Variants in DAB1 observed in about 807,000 individuals in gnomAD.
DAB1 encodes the protein disabled homolog 1.
Under a neutral mutation model 64.6 loss-of-function variants are expected in DAB1, and 15 were observed. The observed-to-expected ratio is 0.23, with a 90% CI of 0.16 to 0.36. The LOEUF (loss-of-function observed/expected upper bound fraction) is 0.36, where lower values mean the gene tolerates loss of function less well. DAB1 is among the 10% of genes least tolerant of loss of function. The pLI is 1.00. For missense variants in DAB1, 596 were observed against 706.7 expected (o/e 0.84, Z 1.78); for synonymous variants, 235 against 251.9 (o/e 0.93, Z 0.64).
At chr1:57,620,278 T>G (rs1196335073) in intron 7 of DAB1, among the ~76,000 whole-genome samples, 1 of 152,124 alleles carries the variant, frequency 6.6e-6, no homozygotes, top group East Asian at 1.9e-4. Flanking sequence ...ATGATGAGTT[T>G]GGATGTCCTA....
At chr1:58,466,267 T>C (rs1331656279) in intron 3 of DAB1, among the ~76,000 whole-genome samples, 3 of 152,084 alleles carry the variant, frequency 2.0e-5, no homozygotes, top group Non-Finnish European at 2.9e-5. Context: ...TCTAAAACAC[T>C]TCCCCCATCC....
At chr1:58,448,150 A>G (rs1253790946) in intron 3 of DAB1, among the ~76,000 whole-genome samples, 1 of 152,108 alleles carries the variant, frequency 6.6e-6, no homozygotes, top group African/African-American at 2.4e-5. Flanking sequence ...CTCCCAGCAA[A>G]CATACCCCTC....
chr1:57,484,398 G>C (rs1644064047), intron 7 of DAB1, among the ~76,000 whole-genome samples: 1 of 152,206 alleles, frequency 6.6e-6, no homozygotes, highest in Non-Finnish European at 1.5e-5. Flanking sequence ...GGGAGTGGGA[G>C]AGGAATCAAG....
At chr1:57,919,934 C>T (rs1182593596) in intron 5 of DAB1, among the ~76,000 whole-genome samples, 5 of 152,138 alleles carry the variant, frequency 3.3e-5, no homozygotes, top group African/African-American at 9.7e-5. Context: ...AAATAAAGGC[C>T]TAGGGGAGGT....
intron 6 of DAB1, among the ~76,000 whole-genome samples, chr1:57,715,519 T>C (rs1647073761): frequency 1.3e-5 from 2 of 152,188 alleles, no homozygotes; most frequent in Non-Finnish European, 2.9e-5. Context: ...GCAGATAACA[T>C]CATGATATAT....
At chr1:57,678,368 T>C (rs1646593263) in intron 6 of DAB1, among the ~76,000 whole-genome samples, 1 of 152,240 alleles carries the variant, frequency 6.6e-6, no homozygotes, top group African/African-American at 2.4e-5. Flanking sequence ...CAAGGGGCTG[T>C]AAGTACTAGA....
At chr1:57,270,350 G>A (rs529794337) in intron 2 of DAB1, among the ~76,000 whole-genome samples, 17 of 152,202 alleles carry the variant, frequency 1.1e-4, no homozygotes, top group Non-Finnish European at 1.9e-4. Flanking sequence ...CTGAGATGTG[G>A]GTATCAAACA....
intron 6 of DAB1, among the ~76,000 whole-genome samples, chr1:57,693,619 C>T (rs1006126170): frequency 4.6e-5 from 7 of 152,182 alleles, no homozygotes; most frequent in Non-Finnish European, 1.0e-4. Flanking sequence ...GCTGTGAAAG[C>T]TTTGCTCTTT....
At chr1:58,028,066 T>G (rs1171539042) in intron 5 of DAB1, among the ~76,000 whole-genome samples, 3 of 152,212 alleles carry the variant, frequency 2.0e-5, no homozygotes, top group African/African-American at 4.8e-5. Context: ...CTGTAGAATA[T>G]AATTCCCATC....
intron 6 of DAB1, among the ~76,000 whole-genome samples, chr1:57,760,570 T>C (rs1649030849): frequency 6.6e-6 from 1 of 151,364 alleles, no homozygotes; most frequent in Non-Finnish European, 1.5e-5. Flanking sequence ...TCTCTACTCT[T>C]CTACATATAA....
intron 6 of DAB1, among the ~76,000 whole-genome samples, chr1:57,802,425 G>T (rs1651170056): frequency 1.3e-5 from 2 of 152,186 alleles, no homozygotes. Context: ...CACCTAAAGG[G>T]GAAGGAGTGG....
At chr1:58,150,061 T>G (rs1018979906) in intron 5 of DAB1, among the ~76,000 whole-genome samples, 5 of 152,194 alleles carry the variant, frequency 3.3e-5, no homozygotes, top group South Asian at 2.1e-4. Flanking sequence ...TACCAAGTGT[T>G]TTAAATGTAT....
intron 6 of DAB1, among the ~76,000 whole-genome samples, chr1:57,764,309 AAC>A (rs1461142037): frequency 1.5e-4 from 23 of 152,218 alleles, no homozygotes; most frequent in African/African-American, 5.1e-4. Context: ...TTTTTTAATT[AAC>A]ACACAATAAT....
intron 4 of DAB1, among the ~76,000 whole-genome samples, chr1:58,279,170 T>A (rs1557721105): frequency 6.6e-6 from 1 of 152,062 alleles, no homozygotes; most frequent in Admixed American, 6.5e-5. Context: ...GAGAAGTTGA[T>A]TTGTGAAAAA....
intron 4 of DAB1, among the ~76,000 whole-genome samples, chr1:57,128,551 C>T (rs1377089555): frequency 6.6e-6 from 1 of 152,138 alleles, no homozygotes; most frequent in Non-Finnish European, 1.5e-5. Flanking sequence ...CTCTGTATAA[C>T]ACTCGGAGCC....
intron 5 of DAB1, among the ~76,000 whole-genome samples, chr1:58,015,761 T>C (rs1263459678): frequency 1.3e-5 from 2 of 152,186 alleles, no homozygotes; most frequent in East Asian, 1.9e-4. Context: ...ATCATTCTAA[T>C]GTGTGGTCGG....
intron 6 of DAB1, among the ~76,000 whole-genome samples, chr1:57,681,989 C>A (rs1646641178): frequency 6.6e-6 from 1 of 152,126 alleles, no homozygotes; most frequent in Non-Finnish European, 1.5e-5. Context: ...TGGGCCCCAC[C>A]TACCTCCTCA....
chr1:57,755,297 A>G (rs61768390), intron 6 of DAB1, among the ~76,000 whole-genome samples: 26,718 of 152,152 alleles, frequency 0.18, 3,054 homozygotes, highest in Admixed American at 0.29. Flanking sequence ...TTTACAGCAC[A>G]AAGTATTCCT....
intron 5 of DAB1, among the ~76,000 whole-genome samples, chr1:58,044,113 AG>A (rs1488256236): frequency 6.6e-6 from 1 of 152,196 alleles, no homozygotes; most frequent in Non-Finnish European, 1.5e-5. Flanking sequence ...AAAAATTTTC[AG>A]GAAACAACAT....
Sources: gnomAD v4.1 joint callset for allele counts (sites outside exome capture counted in the v4.1 genomes callset) on GRCh38, gnomAD v4.1.1 for gene constraint, MANE v1.5 for transcripts, NCBI Gene and HGNC (gene_info 2026-07-23, HGNC 2026-07-21) for gene names.